Variants in ANHX observed in about 807,000 individuals in gnomAD.
The protein encoded by ANHX is anomalous homeobox, also known as anomalous homeobox protein.
A neutral mutation model predicts 38.9 loss-of-function variants in ANHX; 20 were observed. The observed-to-expected ratio is 0.51, with a 90% confidence interval of 0.36 to 0.75. The LOEUF (loss-of-function observed/expected upper bound fraction) is 0.75, where lower values mean the gene tolerates loss of function less well. ANHX is among the 30% of genes least tolerant of loss of function. ANHX has a pLI of 0.00. For synonymous variants in ANHX, 185 were observed against 203.1 expected, an observed-to-expected ratio of 0.91 and a Z score of 0.76; for missense variants, 475 against 493.1, an observed-to-expected ratio of 0.96 and a Z score of 0.35.
intron 7 of ANHX, among the ~76,000 whole-genome samples, chr12:133,224,776 T>A (rs537603580): frequency 6.7e-6 from 1 of 150,010 alleles, no homozygotes; most frequent in African/African-American, 2.5e-5. Flanking sequence ...CCATCCTGGC[T>A]AACAGGGTGA....
In ANHX at chr12:133,221,060, T is replaced by G. The variant is rs930729148; in HGVS notation, c.1280+145A>C. ...TACCCTTTTCTTCATAGGTGTAGGC[T>G]TGTGGGGACTGTTACAGTTTTCAGC... On this transcript the variant is annotated intron_variant, in intron 8 of 9. Coordinates refer to ENST00000545940, the MANE Select transcript of ANHX (RefSeq NM_001372060.1). The surrounding 1 kb of genome is among the most constrained non-coding windows in gnomAD (Gnocchi z 4.1). 1.8e-6 allele frequency: 2 copies of G among 1,105,004 alleles called. No individual in the cohort carries two copies. The highest frequency in any genetic ancestry group is 6.1e-5 in the Admixed American group (2 of 32,954). The allele number at this position is 1,105,004 out of a possible 1,614,324, so 68.4% of individuals were successfully genotyped here.
intron 7 of ANHX, among the ~76,000 whole-genome samples, chr12:133,224,554 T>G (rs1957157394): frequency 1.3e-5 from 2 of 150,392 alleles, no homozygotes; most frequent in African/African-American, 2.5e-5. Flanking sequence ...TTCTACCTAC[T>G]CGGGAGGCTG....
chr12:133,225,314 TACACACACA>T (rs961404176), intron 7 of ANHX, among the ~76,000 whole-genome samples: 2 of 141,498 alleles, frequency 1.4e-5, no homozygotes, highest in Admixed American at 7.0e-5. Flanking sequence ...TATGCATACA[TACACACACA>T]CACACACACA....
At chr12:133,233,732 T>C (rs1957320024) in intron 2 of ANHX, among the ~76,000 whole-genome samples, 1 of 152,202 alleles carries the variant, frequency 6.6e-6, no homozygotes, top group African/African-American at 2.4e-5. Flanking sequence ...GAGTTCTCCA[T>C]TGCAGACTTG....
rs561150572 is a variant in ANHX at position 133,234,282 on chromosome 12, C to T, written c.75G>A (p.Ala25=). ...CAPPAELVTL[A]GRLCRDFQDD... ...CCTGGAAGTCCCGGCACAGTCTGCC[C>T]GCAAGGGTCACCAGCTCCGCCGGGG... Residue 25 remains alanine, a synonymous_variant, in exon 2 of 10, where the codon GCG becomes GCA. Transcript: ENST00000545940. 1.0e-5 allele frequency: 16 copies of T among 1,536,152 alleles called. No homozygotes were observed. Among genetic ancestry groups the T allele is most frequent in the South Asian group, 2.4e-5 (2 of 84,058 alleles).
At chr12:133,224,101 A>G (rs1371125667) in intron 7 of ANHX, among the ~76,000 whole-genome samples, 1 of 152,186 alleles carries the variant, frequency 6.6e-6, no homozygotes, top group African/African-American at 2.4e-5. Flanking sequence ...GAAATTCAGG[A>G]CACCCTGGAG....
intron 3 of ANHX, among the ~76,000 whole-genome samples, chr12:133,229,942 C>T (rs1021669068): frequency 6.6e-6 from 1 of 152,164 alleles, no homozygotes; most frequent in African/African-American, 2.4e-5. Flanking sequence ...GAATGTGCTG[C>T]CCCTTCCCAG....
chr12:133,231,444 C>T, intron 3 of ANHX, 73 bp downstream of exon 3: 2 of 1,523,216 alleles, frequency 1.3e-6, no homozygotes, highest in Non-Finnish European at 1.8e-6. Flanking sequence ...TTCAGCCCCT[C>T]TGGGCTTTGC....
At chr12:133,231,763 G>T in intron 2 of ANHX, 119 bp from the exon 3 acceptor site, 1 of 1,282,484 alleles carries the variant, frequency 7.8e-7, no homozygotes, top group Non-Finnish European at 1.1e-6. Flanking sequence ...GAAGAGCAGG[G>T]TTCTGGGTTC....
intron 8 of ANHX, among the ~76,000 whole-genome samples, chr12:133,220,190 C>T (rs572360856): frequency 1.3e-4 from 20 of 152,010 alleles, no homozygotes; most frequent in African/African-American, 4.8e-4. Flanking sequence ...TCAGGTGCTC[C>T]GTCTACACAT....
chr12:133,227,236 T>C (rs1270396382), intron 4 of ANHX, 84 bp from the exon 5 acceptor site: 5 of 1,403,020 alleles, frequency 3.6e-6, no homozygotes, highest in Non-Finnish European at 4.7e-6. Flanking sequence ...ACAGCTCATT[T>C]ACACCAAGAA....
rs773361587 is a variant in ANHX at position 133,221,236 on chromosome 12, G to A, written c.1249C>T (p.Leu417=). 7 of 1,535,972 alleles carry A rather than the reference G, an allele frequency of 4.6e-6. No individual in the cohort carries two copies. The African/African-American group carries it at 9.6e-5, about 21-fold the overall frequency. The change falls in exon 8 of 10, where the codon CTG becomes TTG. Residue 417 remains leucine (L), a synonymous_variant. Transcript: ENST00000545940. The surrounding 1 kb of genome is among the most constrained non-coding windows in gnomAD (Gnocchi z 4.1). ...GTGAGGATGAATTCAGGAGCTTGCA[G>A]TGGGGGCTGTGTCACCAGGAAGCTG... ...VGSFLVTQPP[L]QAPEFILTQS... is the part of the protein sequence containing the mutation.
intron 1 of ANHX, 124 bp downstream of exon 1, chr12:133,235,683 C>T (rs1395938355): frequency 2.2e-4 from 17 of 77,400 alleles, no homozygotes; most frequent in Non-Finnish European, 2.5e-5. Flanking sequence ...TCCTCCAGGA[C>T]CCCCCCCGCC....
chr12:133,230,946 T>C (rs1360940338), intron 3 of ANHX, among the ~76,000 whole-genome samples: 2 of 152,210 alleles, frequency 1.3e-5, no homozygotes, highest in African/African-American at 4.8e-5. Flanking sequence ...GTGGCGATGA[T>C]AAGGACTACC....
intron 7 of ANHX, among the ~76,000 whole-genome samples, chr12:133,225,310 T>TACACACACAC (rs555238401): frequency 2.8e-5 from 4 of 143,802 alleles, no homozygotes; most frequent in African/African-American, 1.1e-4. Context: ...GTGATATGCA[T>TACACACACAC]ACATACACAC....
At chr12:133,220,300 T>G (rs2135547291) in intron 8 of ANHX, among the ~76,000 whole-genome samples, 1 of 151,534 alleles carries the variant, frequency 6.6e-6, no homozygotes, top group Non-Finnish European at 1.5e-5. Context: ...GGCATGGGAG[T>G]TGGGGGAGCA....
At chr12:133,228,842 G>A (rs567851457) in intron 3 of ANHX, among the ~76,000 whole-genome samples, 6 of 152,190 alleles carry the variant, frequency 3.9e-5, no homozygotes, top group Non-Finnish European at 7.3e-5. Context: ...GTGATCCCAT[G>A]AGTCTGCTCC....
chr12:133,227,188 C>T, intron 4 of ANHX, 36 bp from the exon 5 acceptor site: 1 of 1,514,586 alleles, frequency 6.6e-7, no homozygotes, highest in Middle Eastern at 1.7e-4. Flanking sequence ...GCCCTGCTTC[C>T]ATTCCCTGAG....
intron 5 of ANHX, 151 bp downstream of exon 5, chr12:133,226,785 G>A (rs754889570): frequency 1.8e-4 from 147 of 828,064 alleles, no homozygotes; most frequent in Admixed American, 4.9e-4. Flanking sequence ...CTCAGACCTC[G>A]GACCCTGTGA....
Sources: gnomAD v4.1 joint callset for allele counts (sites outside exome capture counted in the v4.1 genomes callset) on GRCh38, gnomAD v4.1.1 for gene constraint, Gnocchi (gnomAD v3.1) non-coding constraint, MANE v1.5 for transcripts, NCBI Gene and HGNC (gene_info 2026-07-23, HGNC 2026-07-21) for gene names.